CEP83: variants seen among roughly 807,000 people sequenced by gnomAD.
CEP83 encodes the protein centrosomal protein of 83 kDa.
Under a neutral mutation model 101.9 loss-of-function variants are expected in CEP83, and 70 were observed. The observed-to-expected ratio is 0.69, with a 90% CI of 0.57 to 0.84. CEP83 has a LOEUF of 0.84. Among genes scored for constraint, CEP83 ranks in the 40% least tolerant of loss-of-function variants. The pLI is 0.00. For synonymous variants in CEP83, 264 were observed against 267.9 expected, an observed-to-expected ratio of 0.99 and a Z score of 0.14; for missense variants, 715 against 787.2, an observed-to-expected ratio of 0.91 and a Z score of 1.10.
the CEP83 span, among the ~76,000 whole-genome samples, chr12:94,288,808 G>A: frequency 4.6e-5 from 7 of 152,226 alleles, no homozygotes; most frequent in African/African-American, 1.7e-4. Flanking sequence ...GGGACAGCAT[G>A]TGGAATAGAA....
chr12:94,269,632 A>G, the CEP83 span, among the ~76,000 whole-genome samples: 2 of 152,234 alleles, frequency 1.3e-5, no homozygotes, highest in Non-Finnish European at 1.5e-5. Flanking sequence ...TGTTACTTCA[A>G]TTACATTCCA....
chr12:94,437,697 CT>C (rs1269603257), intron 1 of CEP83, among the ~76,000 whole-genome samples: 1 of 152,186 alleles, frequency 6.6e-6, no homozygotes, highest in Non-Finnish European at 1.5e-5. Context: ...GAATTCACCA[CT>C]GCCAAGCCAG....
chr12:94,300,821 C>T, the CEP83 span: 3 of 1,286,540 alleles, frequency 2.3e-6, no homozygotes, highest in South Asian at 4.6e-5. Context: ...ATAACAAGGA[C>T]AAAAACACCC....
chr12:94,343,801 C>G (rs1301671782), intron 11 of CEP83, among the ~76,000 whole-genome samples: 1 of 152,172 alleles, frequency 6.6e-6, no homozygotes, highest in Non-Finnish European at 1.5e-5. Flanking sequence ...CCGAAATTAA[C>G]TTTTTAAAAA....
chr12:94,298,821 G>A, the CEP83 span: 5 of 1,592,372 alleles, frequency 3.1e-6, no homozygotes, highest in Non-Finnish European at 3.4e-6. Context: ...ATTAGTGACT[G>A]TTTTCAAGAA....
chr12:94,452,057 C>T (rs1033281833), intron 1 of CEP83, among the ~76,000 whole-genome samples: 1 of 152,074 alleles, frequency 6.6e-6, no homozygotes, highest in Non-Finnish European at 1.5e-5. Flanking sequence ...ATTAAATAAA[C>T]CTCAAAAGCA....
At position 94,307,739 on chromosome 12, in the gene CEP83, G is replaced by A. The variant is rs1208021933; in HGVS notation, c.*1074C>T. The stretch of plus-strand genomic sequence containing the variant: ...GTTTTTTTATTCTAAGTGGCTCCGT[G>A]GAAATTATTTTTCAGAGATAAGGTG... On this transcript the variant is annotated 3_prime_UTR_variant, in exon 17 of 17. Transcript: ENST00000397809. 6.6e-6 allele frequency: 1 copy of A among 150,980 alleles called. No individual in the cohort carries two copies. The highest frequency in any genetic ancestry group is 2.4e-5 in the African/African-American group (1 of 41,042). The allele number at this position is 150,980 out of a possible 1,614,324, so 9.4% of individuals were successfully genotyped here.
At chr12:94,406,613 C>T (rs2063550766) in intron 4 of CEP83, among the ~76,000 whole-genome samples, 1 of 151,920 alleles carries the variant, frequency 6.6e-6, no homozygotes. Context: ...AAAGACTGAA[C>T]ATGTTGGATA....
chr12:94,424,053 A>C, intron 2 of CEP83: 1 of 1,611,850 alleles, frequency 6.2e-7, no homozygotes. Flanking sequence ...TGGTGCATCC[A>C]GGATGGGTTA....
rs140553012 is a variant in CEP83 at position 94,396,653 on chromosome 12, T to C, written c.549+4197A>G. ...ATATTATTTCATATATTCTTTTTAG[T>C]TTATAATATCATCAGGGACATGTGT... is the stretch of plus-strand genomic sequence containing the variant. On this transcript the variant is annotated intron_variant, in intron 6 of 16. Coordinates refer to ENST00000397809, the MANE Select transcript of CEP83 (RefSeq NM_016122.3). Among the ~76,000 whole-genome samples, 7 of 152,228 alleles carry C rather than the reference T, an allele frequency of 4.6e-5. No individual in the cohort carries two copies. The East Asian group carries it at 1.4e-3, about 29-fold the overall frequency.
intron 15 of CEP83, among the ~76,000 whole-genome samples, chr12:94,312,363 G>A (rs756312023): frequency 2.6e-5 from 4 of 152,148 alleles, no homozygotes; most frequent in Non-Finnish European, 4.4e-5. Flanking sequence ...TAGCCAAGGC[G>A]CTGAAGGCTA....
Position 94,331,302 on chromosome 12 carries a change from A to AAAAAAAAAAAAAG in CEP83, c.1707+397_1707+398insCTTTTTTTTTTTT, listed in dbSNP as rs1555220978. 6.3e-4 allele frequency among the ~76,000 whole-genome samples: 79 copies of AAAAAAAAAAAAAG among 125,176 alleles called. 1 individual carries two copies. The highest frequency in any genetic ancestry group is 2.5e-3 in the African/African-American group (77 of 30,492). 82.1% of individuals were successfully genotyped at this position (125,176 alleles called of 152,430 possible). A position where few individuals can be genotyped will look rare whatever the true frequency, so the allele number is the denominator to read the frequency against. On this transcript the variant is annotated intron_variant, in intron 14 of 16. Transcript: ENST00000397809. The stretch of plus-strand genomic sequence containing the variant: ...GTCAGACTCTCAGAAAAAAAAAAAA[A>AAAAAAAAAAAAAG]AAAAAAAAAAAAAAGATTTAATTAT...
Position 94,409,653 on chromosome 12 carries a change from TA to T in CEP83, c.324+2043del, listed in dbSNP as rs576686664. 2.4e-4 allele frequency among the ~76,000 whole-genome samples: 37 copies of T among 152,314 alleles called. 1 individual carries two copies. The South Asian group carries it at 6.4e-3, about 26-fold the overall frequency. ...TAAAATACCAGAAACGACGCAGCTT[TA>T]AATAACAGAAGTTTGTTCTTTCACA... On this transcript the variant is annotated intron_variant, in intron 4 of 16. Coordinates refer to ENST00000397809, the MANE Select transcript of CEP83 (RefSeq NM_016122.3).
At chr12:94,345,218 T>C (rs1420074295) in intron 11 of CEP83, among the ~76,000 whole-genome samples, 2 of 152,174 alleles carry the variant, frequency 1.3e-5, no homozygotes, top group Non-Finnish European at 2.9e-5. Context: ...GGCAAAGACT[T>C]CTTGAAGAGA....
chr12:94,303,212 C>T (rs985690884), downstream of CEP83, among the ~76,000 whole-genome samples: 1 of 152,090 alleles, frequency 6.6e-6, no homozygotes, highest in Non-Finnish European at 1.5e-5. Context: ...TACTAATGAC[C>T]ATGTGCTTCC....
chr12:94,356,557 G>C (rs1464785185), intron 11 of CEP83, among the ~76,000 whole-genome samples: 1 of 152,208 alleles, frequency 6.6e-6, no homozygotes, highest in African/African-American at 2.4e-5. Flanking sequence ...GTGATTTAGA[G>C]GCTTGGCAGT....
At chr12:94,408,830 T>A (rs1045567898) in intron 4 of CEP83, among the ~76,000 whole-genome samples, 1 of 152,056 alleles carries the variant, frequency 6.6e-6, no homozygotes, top group African/African-American at 2.4e-5. Context: ...CAAGTGATCC[T>A]CCTGCCTCCT....
the CEP83 span, chr12:94,276,893 AG>A: frequency 6.6e-6 from 1 of 152,180 alleles, no homozygotes; most frequent in South Asian, 2.1e-4. Context: ...CTGTTGTAGG[AG>A]GGAAACTCGT....
the CEP83 span, among the ~76,000 whole-genome samples, chr12:94,286,545 C>A: frequency 1.5e-5 from 2 of 134,034 alleles, no homozygotes; most frequent in East Asian, 4.7e-4. Context: ...TCCAAAGAGA[C>A]AAGATGCTAA....
Sources: allele counts gnomAD v4.1 joint callset (sites outside exome capture counted in the v4.1 genomes callset), GRCh38; gene constraint gnomAD v4.1.1; transcripts MANE v1.5; gene names NCBI Gene and HGNC (gene_info 2026-07-23, HGNC 2026-07-21).